The following PHF2 variants were observed in gnomAD, a reference collection of about 807,000 sequenced individuals.
PHF2 encodes the protein PHD finger protein 2, also known as lysine-specific demethylase PHF2.
In PHF2, 27 loss-of-function variants were observed where a neutral mutation model predicts 120.5. That is an observed-to-expected ratio of 0.22 (90% CI 0.17 to 0.31). PHF2 has a LOEUF of 0.31. Ranked by LOEUF, PHF2 falls within the 10% of genes least tolerant of loss-of-function variation. The pLI, the probability that PHF2 is intolerant of heterozygous loss-of-function variation, is 1.00. For missense variants in PHF2, 1,024 were observed against 1,434.8 expected (o/e 0.71, Z 4.63); for synonymous variants, 568 against 592.5 (o/e 0.96, Z 0.60).
chr9:93,673,656 C>G lies in PHF2; in HGVS notation c.2420C>G (p.Ser807Cys), dbSNP rs1464540408. 1 of 1,610,838 alleles carries G rather than the reference C, an allele frequency of 6.2e-7. No homozygotes were observed. The highest frequency in any genetic ancestry group is 8.5e-7 in the Non-Finnish European group (1 of 1,178,290). ...GMLSMANLQA[S>C]DSCLQTTWGA... ...CTGTCCATGGCCAACCTGCAGGCCT[C>G]CGACTCCTGCCTGCAGACCACGTGG... The change falls in exon 18 of 22, where the codon TCC becomes TGC. Residue 807 changes from serine to cysteine, a missense_variant. By Grantham distance (112) the Ser-to-Cys change is moderately radical (BLOSUM62 -1). Coordinates refer to ENST00000359246, the MANE Select transcript of PHF2 (RefSeq NM_005392.4).
intron 1 of PHF2, among the ~76,000 whole-genome samples, chr9:93,585,328 C>T (rs918122405): frequency 3.3e-5 from 5 of 152,148 alleles, no homozygotes; most frequent in Admixed American, 6.5e-5. Flanking sequence ...TTTCCCTGAC[C>T]GCCATCCTCC....
At chr9:93,671,672 A>G (rs1177410325) in intron 17 of PHF2, among the ~76,000 whole-genome samples, 1 of 123,816 alleles carries the variant, frequency 8.1e-6, no homozygotes, top group Non-Finnish European at 1.7e-5. Flanking sequence ...GGATGTAGGT[A>G]CAGGTGTAGA....
rs55647503 is a variant in PHF2 at position 93,627,492 on chromosome 9, A to AT, written c.99-2462dup. Among the ~76,000 whole-genome samples the AT allele has an allele frequency of 3.7e-3, 405 of 108,138 alleles. 31 individuals are homozygous for AT. Among genetic ancestry groups the AT allele is most frequent in the African/African-American group, 0.011 (303 of 26,554 alleles). 70.9% of individuals were successfully genotyped at this position (108,138 alleles called of 152,430 possible). On this transcript the variant is annotated intron_variant, in intron 1 of 21. Coordinates refer to ENST00000359246, the MANE Select transcript of PHF2 (RefSeq NM_005392.4). ...CAATTCAGACTCCTTTTATTTCAGGATTTTTTTTTTTTTTTTGTCTAATTG... is the reference window on the plus strand; with the variant it reads ...CAATTCAGACTCCTTTTATTTCAGGATTTTTTTTTTTTTTTTTGTCTAATTG...
intron 1 of PHF2, among the ~76,000 whole-genome samples, chr9:93,609,776 C>G (rs1264170515): frequency 6.6e-6 from 1 of 152,008 alleles, no homozygotes; most frequent in Admixed American, 6.6e-5. Flanking sequence ...AATCTTAGCT[C>G]ACTGCAACCT....
chr9:93,613,627 A>G (rs934586583), intron 1 of PHF2, among the ~76,000 whole-genome samples: 9 of 150,014 alleles, frequency 6.0e-5, no homozygotes, highest in African/African-American at 1.7e-4. Flanking sequence ...TAGAGCAATC[A>G]TAACTCACTG....
At chr9:93,639,477 C>T (rs1826141765) in intron 3 of PHF2, among the ~76,000 whole-genome samples, 1 of 151,816 alleles carries the variant, frequency 6.6e-6, no homozygotes, top group African/African-American at 2.4e-5. Context: ...TAGAGGGTTC[C>T]TTAGTATTTT....
intron 1 of PHF2, among the ~76,000 whole-genome samples, chr9:93,625,528 A>T (rs1435444060): frequency 8.5e-6 from 1 of 117,194 alleles, no homozygotes; most frequent in East Asian, 2.8e-4. Flanking sequence ...GCCAGGCTTG[A>T]GTGCAGTGGC....
chr9:93,662,303 T>C (rs1564399204), intron 12 of PHF2, among the ~76,000 whole-genome samples: 1 of 145,246 alleles, frequency 6.9e-6, no homozygotes, highest in Non-Finnish European at 1.5e-5. Flanking sequence ...GGGTGGATGA[T>C]TGAGTGAGTG....
intron 14 of PHF2, 144 bp from the exon 15 acceptor site, chr9:93,665,542 A>T (rs1587716953): frequency 4.8e-6 from 4 of 838,386 alleles, no homozygotes; most frequent in Admixed American, 2.8e-5. Flanking sequence ...GCTTCTTCGG[A>T]TGGAAATTCA....
rs78407785 is a variant in PHF2, at chr9:93,662,892, A to C, written c.1699-15A>C. On this transcript the variant is annotated splice_polypyrimidine_tract_variant and intron_variant, in intron 12 of 21. Transcript: ENST00000359246. ...TCTATGTCTGCCTCTGGGTCACAGC[A>C]GCCCTTTTTTCTAGGCCACAAAGAG... is the stretch of plus-strand genomic sequence containing the variant. 2.5e-3 allele frequency: 3,955 copies of C among 1,613,808 alleles called. 81 individuals carry two copies. The African/African-American group carries it at 0.045, about 18-fold the overall frequency.
At chr9:93,587,241 G>T (rs1863063786) in intron 1 of PHF2, among the ~76,000 whole-genome samples, 1 of 138,860 alleles carries the variant, frequency 7.2e-6, no homozygotes, top group Non-Finnish European at 1.6e-5. Flanking sequence ...GGAGCCCTGG[G>T]TGAGGGATGA....
At chr9:93,672,444 G>T (rs1419758302) in intron 17 of PHF2, 2 of 980,834 alleles carry the variant, frequency 2.0e-6, no homozygotes, top group South Asian at 4.7e-5. Flanking sequence ...GCAGGTGCAG[G>T]TGTGGGTGTG....
intron 1 of PHF2, among the ~76,000 whole-genome samples, chr9:93,599,661 C>G (rs914375003): frequency 6.6e-6 from 1 of 152,244 alleles, no homozygotes; most frequent in Non-Finnish European, 1.5e-5. Context: ...GTGAGTTTCA[C>G]CTTTCCTGGA....
At chr9:93,613,372 T>C (rs1825669733) in intron 1 of PHF2, among the ~76,000 whole-genome samples, 1 of 152,066 alleles carries the variant, frequency 6.6e-6, no homozygotes, top group African/African-American at 2.4e-5. Flanking sequence ...CTGTGGTCCC[T>C]GTAACAGAAG....
chr9:93,591,147 G>T (rs1587665444), intron 1 of PHF2, among the ~76,000 whole-genome samples: 1 of 152,180 alleles, frequency 6.6e-6, no homozygotes, highest in Non-Finnish European at 1.5e-5. Context: ...CTCACAGTCT[G>T]CTGGGACTCA....
chr9:93,593,084 C>CAAAAAAAAAA (rs200919035), intron 1 of PHF2, among the ~76,000 whole-genome samples: 21 of 83,354 alleles, frequency 2.5e-4, no homozygotes, highest in Non-Finnish European at 3.6e-4. Flanking sequence ...TCCTTTATGC[C>CAAAAAAAAAA]AAAAAAAAAA....
chr9:93,652,402 C>A (rs1198965637), intron 5 of PHF2, among the ~76,000 whole-genome samples: 1 of 147,224 alleles, frequency 6.8e-6, no homozygotes. Context: ...TCAAGTGATT[C>A]TCCTGCCTCA....
intron 3 of PHF2, among the ~76,000 whole-genome samples, chr9:93,642,800 TC>T (rs1421370339): frequency 6.6e-6 from 1 of 152,238 alleles, no homozygotes; most frequent in Admixed American, 6.5e-5. Context: ...TTCTGTATTC[TC>T]TGTATCATTT....
At chr9:93,674,897 G>T in intron 18 of PHF2, 30 bp from the exon 19 acceptor site, 1 of 1,558,906 alleles carries the variant, frequency 6.4e-7, no homozygotes, top group Non-Finnish European at 8.8e-7. Flanking sequence ...TGCACTCAGC[G>T]GGCCACGCCT....
Sources: gnomAD v4.1 joint callset for allele counts (sites outside exome capture counted in the v4.1 genomes callset) on GRCh38, gnomAD v4.1.1 for gene constraint, MANE v1.5 for transcripts, NCBI Gene and HGNC (gene_info 2026-07-23, HGNC 2026-07-21) for gene names.